ST14: variants seen among roughly 807,000 people sequenced by gnomAD.
The protein encoded by ST14 is ST14 transmembrane serine protease matriptase, also known as suppressor of tumorigenicity 14 protein.
In ST14, 40 loss-of-function variants were observed where a neutral mutation model predicts 96.5. The ratio of observed to expected loss-of-function variants is 0.41; its 90% CI spans 0.32 to 0.54. The LOEUF is 0.54. ST14 is among the 20% of genes least tolerant of loss of function. The pLI is 0.17. For missense variants in ST14, 1,066 were observed against 1,188.9 expected, an observed-to-expected ratio of 0.90 and a Z score of 1.52; for synonymous variants, 506 against 492.1, an observed-to-expected ratio of 1.03 and a Z score of -0.37.
chr11:130,186,475 A>G (rs557539454), intron 1 of ST14, among the ~76,000 whole-genome samples: 1 of 152,364 alleles, frequency 6.6e-6, no homozygotes, highest in South Asian at 2.1e-4. Flanking sequence ...CAGGAAGAAC[A>G]TGAAATAAGT....
At chr11:130,205,391 G>A (rs1230986743) in intron 16 of ST14, among the ~76,000 whole-genome samples, 1 of 152,216 alleles carries the variant, frequency 6.6e-6, no homozygotes, top group African/African-American at 2.4e-5. Context: ...GCCTCCCAAA[G>A]TGCTGGGATT....
In ST14 at chr11:130,197,836, C is replaced by T. The variant is rs370651991; in HGVS notation, c.1355-5C>T. 46 of 1,562,696 alleles carry T rather than the reference C, an allele frequency of 2.9e-5. 1 individual carries two copies. The South Asian group carries it at 3.8e-4, about 13-fold the overall frequency. ...TGGGGGCCTCAGGCCTGCCTGTGCC[C>T]GCAGCATGCCCGGGGCAGTTCACGT... On this transcript the variant is annotated splice_region_variant and splice_polypyrimidine_tract_variant and intron_variant, in intron 11 of 18. Coordinates refer to ENST00000278742, the MANE Select transcript of ST14 (RefSeq NM_021978.4).
rs78677309 is a variant in ST14, at chr11:130,196,273, T to A, written c.1114-66T>A. ...CCTGGTCCATGCCGCTGCCTCCCTT[T>A]GACGTCCTCAGGTTCAGGGAGGAGG... On this transcript the variant is annotated intron_variant, in intron 9 of 18. Coordinates refer to ENST00000278742, the MANE Select transcript of ST14 (RefSeq NM_021978.4). 8.1e-3 allele frequency: 10,669 copies of A among 1,316,906 alleles called. 531 individuals carry two copies. The East Asian group carries it at 0.15, about 18-fold the overall frequency. The allele number at this position is 1,316,906 out of a possible 1,614,324, so 81.6% of individuals were successfully genotyped here. A position where few individuals can be genotyped will look rare whatever the true frequency, so the allele number is the denominator to read the frequency against.
chr11:130,164,024 G>A (rs1953022776), intron 1 of ST14, among the ~76,000 whole-genome samples: 1 of 152,136 alleles, frequency 6.6e-6, no homozygotes, highest in African/African-American at 2.4e-5. Flanking sequence ...TCTGTCCCTC[G>A]GAACACTGTG....
chr11:130,171,005 A>G (rs1953087432), intron 1 of ST14, among the ~76,000 whole-genome samples: 1 of 152,226 alleles, frequency 6.6e-6, no homozygotes, highest in Admixed American at 6.5e-5. Context: ...TAATATTCAC[A>G]TGAGTAGCAG....
At chr11:130,172,670 G>C (rs1025559190) in intron 1 of ST14, among the ~76,000 whole-genome samples, 2 of 152,056 alleles carry the variant, frequency 1.3e-5, no homozygotes, top group Non-Finnish European at 2.9e-5. Flanking sequence ...GCCCGCCTCA[G>C]CCTCCCAAAG....
chr11:130,188,069 A>C lies in ST14; in HGVS notation c.82-45A>C. The C allele has an allele frequency of 6.2e-7, 1 of 1,611,316 alleles. No individual in the cohort carries two copies. Among genetic ancestry groups the C allele is most frequent in the Non-Finnish European group, 8.5e-7 (1 of 1,178,648 alleles). On this transcript the variant is annotated intron_variant, in intron 1 of 18. Coordinates refer to ENST00000278742, the MANE Select transcript of ST14 (RefSeq NM_021978.4). This position sits in a 1 kb window ranked among gnomAD's most constrained non-coding sequence, Gnocchi z 5.4. ...ATCTTCCCCAGCGGGGTGCAGGGGAAGAGCGGGTGAGAGGGTCTGAGTGGT... is the reference window on the plus strand; with the variant it reads ...ATCTTCCCCAGCGGGGTGCAGGGGACGAGCGGGTGAGAGGGTCTGAGTGGT...
chr11:130,199,508 C>T (rs554323002), intron 15 of ST14, among the ~76,000 whole-genome samples: 2 of 152,210 alleles, frequency 1.3e-5, no homozygotes, highest in Non-Finnish European at 2.9e-5. Context: ...ACAGCTCCAG[C>T]GTTCTGTGAC....
Position 130,189,828 on chromosome 11 carries a change from G to C in ST14, c.530G>C (p.Arg177Pro). The C allele has an allele frequency of 6.2e-7, 1 of 1,613,912 alleles. No homozygotes were observed. The highest frequency in any genetic ancestry group is 1.3e-5 in the African/African-American group (1 of 75,056). Residue 177 changes from arginine (R) to proline (P), a missense_variant, in exon 5 of 19, where the codon CGC becomes CCC. Transcript: ENST00000278742. ...GCCGAGCGCGTCATGGCCGAGGAGC[G>C]CGTAGTCATGCTGCCCCCGCGGGCG... The part of the protein sequence containing the change: ...EEAERVMAEE[R>P]VVMLPPRARS...
intron 6 of ST14, 24 bp from the exon 7 acceptor site, chr11:130,190,430 C>T: frequency 1.2e-6 from 2 of 1,604,846 alleles, no homozygotes; most frequent in Non-Finnish European, 1.7e-6. Context: ...CCCACACGTG[C>T]CCTCCTTCTT....
chr11:130,185,629 C>T (rs1477286876), intron 1 of ST14, among the ~76,000 whole-genome samples: 1 of 152,176 alleles, frequency 6.6e-6, no homozygotes, highest in African/African-American at 2.4e-5. Context: ...GCACTCCAGC[C>T]TGGGCAACAC....
chr11:130,201,231 G>T (rs1195103019), intron 16 of ST14, among the ~76,000 whole-genome samples: 1 of 152,262 alleles, frequency 6.6e-6, no homozygotes, highest in African/African-American at 2.4e-5. Context: ...CTCTCTGGGC[G>T]TCTGGCTGTT....
chr11:130,175,682 C>T (rs993897301), intron 1 of ST14, among the ~76,000 whole-genome samples: 3 of 146,752 alleles, frequency 2.0e-5, no homozygotes, highest in African/African-American at 7.6e-5. Flanking sequence ...CCACACCTGG[C>T]CTGGAGTCTC....
chr11:130,175,148 C>G (rs1187605991), intron 1 of ST14, among the ~76,000 whole-genome samples: 1 of 152,094 alleles, frequency 6.6e-6, no homozygotes, highest in Non-Finnish European at 1.5e-5. Flanking sequence ...CGTGCCATCC[C>G]TAAGATAGCT....
chr11:130,196,629 G>A lies in ST14; in HGVS notation c.1283G>A (p.Arg428His), dbSNP rs771916998. The part of the protein sequence containing the change: ...VTSNSNKITV[R>H]FHSDQSYTDT... ...AGCAACAGCAACAAGATCACAGTTCGCTTCCACTCAGATCAGTCCTACACC... is the reference window on the plus strand; with the variant it reads ...AGCAACAGCAACAAGATCACAGTTCACTTCCACTCAGATCAGTCCTACACC... The change falls in exon 11 of 19, where the codon CGC becomes CAC. Residue 428 changes from arginine to histidine, a missense_variant. Physicochemically the swap from Arg to His is conservative, Grantham distance 29. Coordinates refer to ENST00000278742, the MANE Select transcript of ST14 (RefSeq NM_021978.4). 1.9e-6 allele frequency: 3 copies of A among 1,613,980 alleles called. No homozygotes were observed. The South Asian group carries it at 3.3e-5, about 18-fold the overall frequency.
intron 7 of ST14, 87 bp downstream of exon 7, chr11:130,190,781 TTA>T: frequency 6.9e-7 from 1 of 1,453,454 alleles, no homozygotes; most frequent in South Asian, 1.4e-5. Flanking sequence ...GGGATACAGT[TTA>T]TGACTCTTGG....
chr11:130,191,478 TCAGGAGTTTGAGAC>T (rs1346403189), intron 7 of ST14, among the ~76,000 whole-genome samples: 1 of 151,826 alleles, frequency 6.6e-6, no homozygotes, highest in Non-Finnish European at 1.5e-5. Context: ...TCACTTGCGG[TCAGGAGTTTGAGAC>T]CAGTCAAGCC....
At chr11:130,192,441 T>A (rs778720769) in intron 7 of ST14, among the ~76,000 whole-genome samples, 1 of 152,222 alleles carries the variant, frequency 6.6e-6, no homozygotes, top group Non-Finnish European at 1.5e-5. Context: ...CAGGCTGGAG[T>A]GCAGTGGCAA....
intron 1 of ST14, among the ~76,000 whole-genome samples, chr11:130,179,598 G>A (rs980540929): frequency 2.6e-5 from 4 of 152,190 alleles, no homozygotes; most frequent in Non-Finnish European, 5.9e-5. Context: ...ACAGCTGCTG[G>A]AGCTTCCCCG....
Sources: gnomAD v4.1 joint callset for allele counts (sites outside exome capture counted in the v4.1 genomes callset) on GRCh38, gnomAD v4.1.1 for gene constraint, Gnocchi (gnomAD v3.1) non-coding constraint, MANE v1.5 for transcripts, NCBI Gene and HGNC (gene_info 2026-07-23, HGNC 2026-07-21) for gene names.